Variants in PHACTR1 observed in about 807,000 individuals in gnomAD.
PHACTR1 encodes the protein phosphatase and actin regulator 1.
PHACTR1 carries 16 observed loss-of-function variants against 69.2 expected under a neutral mutation model. The ratio of observed to expected loss-of-function variants is 0.23; its 90% CI spans 0.16 to 0.35. The LOEUF (loss-of-function observed/expected upper bound fraction) is 0.35, where lower values mean the gene tolerates loss of function less well. Among genes scored for constraint, PHACTR1 ranks in the 10% least tolerant of loss-of-function variants. The pLI is 1.00. For synonymous variants in PHACTR1, 312 were observed against 284.5 expected (o/e 1.10, Z -0.97); for missense variants, 510 against 734.7 (o/e 0.69, Z 3.54).
At chr6:12,830,228 G>C (rs1267093376) in intron 4 of PHACTR1, among the ~76,000 whole-genome samples, 2 of 151,480 alleles carry the variant, frequency 1.3e-5, no homozygotes, top group African/African-American at 4.8e-5. Flanking sequence ...AATTGAAAAT[G>C]AACTAAAAAC....
rs199776775 is a variant in PHACTR1 at position 12,858,783 on chromosome 6, T to TA, written c.250+109001dup. Among the ~76,000 whole-genome samples the TA allele has an allele frequency of 5.0e-3, 737 of 146,920 alleles. 2 individuals carry two copies. Among genetic ancestry groups the TA allele is most frequent in the Non-Finnish European group, 7.7e-3 (515 of 66,894 alleles). ...TGTACTCGACTGCTTTTATTTTTCTTAAAAAAAAGAGCCAACACATACATA... is the reference window on the plus strand; with the variant it reads ...TGTACTCGACTGCTTTTATTTTTCTTAAAAAAAAAGAGCCAACACATACATA... On this transcript the variant is annotated intron_variant, in intron 4 of 14. Coordinates refer to ENST00000332995, the MANE Select transcript of PHACTR1 (RefSeq NM_030948.6).
At chr6:12,719,617 G>T (rs1761849972) in intron 3 of PHACTR1, among the ~76,000 whole-genome samples, 1 of 152,152 alleles carries the variant, frequency 6.6e-6, no homozygotes, top group Non-Finnish European at 1.5e-5. Context: ...CATTGAGAAG[G>T]AGGACAATGT....
chr6:13,133,585 G>C (rs1304460943), intron 5 of PHACTR1, among the ~76,000 whole-genome samples: 26 of 152,094 alleles, frequency 1.7e-4, no homozygotes, highest in African/African-American at 5.8e-4. Flanking sequence ...ACGGAGTCTC[G>C]CTCACTCAGT....
chr6:13,177,435 G>GTATATATATGTGTGTGTGTGTA (rs199707744), intron 6 of PHACTR1, among the ~76,000 whole-genome samples: 2 of 147,170 alleles, frequency 1.4e-5, no homozygotes, highest in Admixed American at 6.8e-5. Flanking sequence ...GTATGTATGT[G>GTATATATATGTGTGTGTGTGTA]TATATATGTG....
At chr6:13,200,627 T>C (rs905695265) in intron 7 of PHACTR1, among the ~76,000 whole-genome samples, 1 of 152,128 alleles carries the variant, frequency 6.6e-6, no homozygotes, top group Non-Finnish European at 1.5e-5. Context: ...GAGTTATTTT[T>C]GACTGTGGCT....
At chr6:13,131,334 AG>A (rs1432096929) in intron 5 of PHACTR1, among the ~76,000 whole-genome samples, 3 of 152,086 alleles carry the variant, frequency 2.0e-5, no homozygotes, top group African/African-American at 7.2e-5. Flanking sequence ...TTCTAAGTGA[AG>A]TAACTCAGGA....
chr6:12,845,825 G>A (rs534507047), intron 4 of PHACTR1, among the ~76,000 whole-genome samples: 72 of 152,162 alleles, frequency 4.7e-4, no homozygotes, highest in South Asian at 1.5e-3. Context: ...TCTTAGGCTC[G>A]GCAAGAGTAA....
chr6:13,196,061 A>T (rs1311798686), intron 7 of PHACTR1, among the ~76,000 whole-genome samples: 1 of 151,972 alleles, frequency 6.6e-6, no homozygotes, highest in Admixed American at 6.6e-5. Flanking sequence ...AGACAGTTTT[A>T]TGAATACACT....
At chr6:13,205,384 A>G (rs955030526) in intron 7 of PHACTR1, among the ~76,000 whole-genome samples, 11 of 152,286 alleles carry the variant, frequency 7.2e-5, no homozygotes, top group Admixed American at 5.9e-4. Context: ...ACATCCTTAC[A>G]TTGACAATTA....
chr6:12,944,992 C>G (rs915907186), intron 4 of PHACTR1, among the ~76,000 whole-genome samples: 1 of 152,016 alleles, frequency 6.6e-6, no homozygotes, highest in Non-Finnish European at 1.5e-5. Context: ...CCGTGTTAGC[C>G]AGGATGGTCT....
At chr6:13,207,090 C>T (rs1008858344) in intron 8 of PHACTR1, among the ~76,000 whole-genome samples, 48 of 152,164 alleles carry the variant, frequency 3.2e-4, no homozygotes, top group African/African-American at 1.1e-3. Flanking sequence ...CGCACATGCA[C>T]GCACATATTG....
intron 12 of PHACTR1, chr6:13,279,440 G>C (rs1345907027): frequency 6.6e-6 from 1 of 152,124 alleles, no homozygotes; most frequent in Non-Finnish European, 1.5e-5. Context: ...ACAGTTAAGA[G>C]GCCCATTAAT....
At chr6:12,888,497 A>G (rs1783860714) in intron 4 of PHACTR1, among the ~76,000 whole-genome samples, 1 of 152,274 alleles carries the variant, frequency 6.6e-6, no homozygotes, top group Non-Finnish European at 1.5e-5. Context: ...TTAATAAAGT[A>G]TACCTATGTT....
At chr6:12,948,110 C>A (rs1296732079) in intron 4 of PHACTR1, among the ~76,000 whole-genome samples, 4 of 152,186 alleles carry the variant, frequency 2.6e-5, no homozygotes, top group Non-Finnish European at 5.9e-5. Context: ...GACTTAGGAG[C>A]TGGATGGTTC....
intron 4 of PHACTR1, among the ~76,000 whole-genome samples, chr6:12,860,914 T>C (rs1312366246): frequency 6.6e-6 from 1 of 152,240 alleles, no homozygotes; most frequent in African/African-American, 2.4e-5. Flanking sequence ...ATACAAACTC[T>C]ACTAATTTTT....
chr6:13,073,075 G>A lies in PHACTR1; in HGVS notation c.415+19546G>A, dbSNP rs78913217. On this transcript the variant is annotated intron_variant, in intron 5 of 14. Transcript: ENST00000332995. Reference sequence around the variant, plus strand: ...GAATGTTGCAAAGGACCAATCCACCGTAGTCCCACATTTTCCCTATCAGAA... The same window carrying A: ...GAATGTTGCAAAGGACCAATCCACCATAGTCCCACATTTTCCCTATCAGAA... Among the ~76,000 whole-genome samples, 557 of 152,060 alleles carry A rather than the reference G, an allele frequency of 3.7e-3. 1 individual carries two copies. The highest frequency in any genetic ancestry group is 0.013 in the African/African-American group (530 of 41,460).
intron 3 of PHACTR1, among the ~76,000 whole-genome samples, chr6:12,719,144 C>A (rs1479440483): frequency 6.6e-6 from 1 of 152,294 alleles, no homozygotes; most frequent in Non-Finnish European, 1.5e-5. Context: ...CAAAAAGAAT[C>A]AAGAATGCTC....
chr6:12,978,345 C>T (rs1025003200), intron 4 of PHACTR1, among the ~76,000 whole-genome samples: 2 of 152,208 alleles, frequency 1.3e-5, no homozygotes, highest in African/African-American at 4.8e-5. Flanking sequence ...CAGGAGGGTC[C>T]AGTCCTTACC....
chr6:12,826,040 T>G (rs1035035320), intron 4 of PHACTR1, among the ~76,000 whole-genome samples: 3 of 152,274 alleles, frequency 2.0e-5, no homozygotes, highest in African/African-American at 7.2e-5. Context: ...AGTATGATTT[T>G]GTGCATGCAC....
Sources: gnomAD v4.1 joint callset for allele counts (sites outside exome capture counted in the v4.1 genomes callset) on GRCh38, gnomAD v4.1.1 for gene constraint, MANE v1.5 for transcripts, NCBI Gene and HGNC (gene_info 2026-07-23, HGNC 2026-07-21) for gene names.